PCDHGA5: variants seen among roughly 807,000 people sequenced by gnomAD.
PCDHGA5 encodes protocadherin gamma subfamily A, 5.
Under a neutral mutation model 56.7 loss-of-function variants are expected in PCDHGA5, and 36 were observed. That is an observed-to-expected ratio of 0.64 (90% CI 0.49 to 0.84). The LOEUF is 0.84. Among genes scored for constraint, PCDHGA5 ranks in the 40% least tolerant of loss-of-function variants. The probability of loss-of-function intolerance (pLI) is 0.00; values close to 1 mark genes in which losing one functional copy is unlikely to be tolerated. For synonymous variants in PCDHGA5, 563 were observed against 520.2 expected, an observed-to-expected ratio of 1.08 and a Z score of -1.12; for missense variants, 1,305 against 1,201.5, an observed-to-expected ratio of 1.09 and a Z score of -1.27.
At chr5:141,471,590 T>C (rs2099260583) in intron 1 of PCDHGA5, 1 of 152,120 alleles carries the variant, frequency 6.6e-6, no homozygotes. Flanking sequence ...AAGTAATTGA[T>C]AGTTTCAAAA....
chr5:141,433,812 G>A (rs535623556), intron 1 of PCDHGA5, among the ~76,000 whole-genome samples: 46 of 150,530 alleles, frequency 3.1e-4, no homozygotes, highest in African/African-American at 1.1e-3. Context: ...ACTCCAGCCT[G>A]GGCAACAAGA....
chr5:141,380,135 A>G lies in PCDHGA5; in HGVS notation c.2421+13384A>G, dbSNP rs142315554. 7.2e-4 allele frequency among the ~76,000 whole-genome samples: 110 copies of G among 151,952 alleles called. 5 individuals carry two copies. The East Asian group carries it at 0.018, about 25-fold the overall frequency. On this transcript the variant is annotated intron_variant, in intron 1 of 3. Transcript: ENST00000518069. ...GGCTGGTCTCAAACTCCTGACCTTA[A>G]GTGATCCACCCGCCTCAGCCTCTCA...
intron 1 of PCDHGA5, chr5:141,416,902 C>T (rs1364019748): frequency 1.3e-5 from 2 of 152,020 alleles, no homozygotes; most frequent in Non-Finnish European, 2.9e-5. Flanking sequence ...GGAAGGAAAG[C>T]ACACTCTTTA....
chr5:141,389,248 A>C, intron 1 of PCDHGA5: 1 of 1,614,036 alleles, frequency 6.2e-7, no homozygotes, highest in South Asian at 1.1e-5. Context: ...CAGTCTTCCT[A>C]TATAGTCCAC....
intron 1 of PCDHGA5, among the ~76,000 whole-genome samples, chr5:141,461,804 C>A (rs559757409): frequency 1.4e-3 from 212 of 152,036 alleles, no homozygotes; most frequent in African/African-American, 5.0e-3. Context: ...CAGGTGCCCA[C>A]CACCACACCC....
chr5:141,501,664 TATAG>T (rs1161034391), intron 2 of PCDHGA5, among the ~76,000 whole-genome samples: 1 of 152,064 alleles, frequency 6.6e-6, no homozygotes, highest in East Asian at 1.9e-4. Flanking sequence ...TGTTGGAAAA[TATAG>T]ATAATCACAA....
intron 1 of PCDHGA5, chr5:141,394,255 G>A (rs1321065161): frequency 6.2e-7 from 1 of 1,613,934 alleles, no homozygotes; most frequent in South Asian, 1.1e-5. Flanking sequence ...GACCCCGACA[G>A]CCAGGAGAAT....
intron 1 of PCDHGA5, chr5:141,428,105 G>A: frequency 1.9e-6 from 3 of 1,608,184 alleles, no homozygotes; most frequent in Admixed American, 1.7e-5. Flanking sequence ...ACCACGTGCT[G>A]CAGGCCATCG....
chr5:141,428,131 G>T, intron 1 of PCDHGA5: 1 of 1,602,720 alleles, frequency 6.2e-7, no homozygotes, highest in Non-Finnish European at 8.5e-7. Flanking sequence ...GGGCTTTTCA[G>T]CCTGGGGCTG....
chr5:141,364,769 G>A lies in PCDHGA5; in HGVS notation c.439G>A (p.Ala147Thr). 2.5e-6 allele frequency: 4 copies of A among 1,614,012 alleles called. No individual in the cohort carries two copies. Among genetic ancestry groups the A allele is most frequent in the Non-Finnish European group, 3.4e-6 (4 of 1,179,896 alleles). The part of the protein sequence containing the change: ...ELKVKVNENA[A>T]AGTRLVLPFA... ...AAAAGTAAAAGTTAATGAAAATGCG[G>A]CTGCAGGGACACGGTTAGTGCTTCC... The change falls in exon 1 of 4, where the codon GCT (alanine) becomes ACT (threonine). Residue 147 changes from alanine to threonine, a missense_variant. Ala to Thr is a moderately conservative substitution (Grantham distance 58). Coordinates refer to ENST00000518069, the MANE Select transcript of PCDHGA5 (RefSeq NM_018918.3).
intron 1 of PCDHGA5, chr5:141,405,458 T>C (rs2094670240): frequency 2.4e-6 from 3 of 1,231,152 alleles, no homozygotes; most frequent in Non-Finnish European, 2.3e-6. Flanking sequence ...CTTACTCTGT[T>C]ACCCAGGCTG....
At chr5:141,389,528 G>T (rs200792478) in intron 1 of PCDHGA5, 2 of 1,613,210 alleles carry the variant, frequency 1.2e-6, no homozygotes, top group Non-Finnish European at 1.7e-6. Flanking sequence ...GCCTGCGCGT[G>T]TTAGTGGACG....
Position 141,477,771 on chromosome 5 carries a change from G to A in PCDHGA5, c.2422-17036G>A. 1 of 1,613,992 alleles carries A rather than the reference G, an allele frequency of 6.2e-7. No homozygotes were observed. The highest frequency in any genetic ancestry group is 1.3e-5 in the African/African-American group (1 of 75,054). ...ACCCCGGTCCTAGCCACCAACATCA[G>A]CGTGAACATATTTGTCACTGATCGC... On this transcript the variant is annotated intron_variant, in intron 1 of 3. Transcript: ENST00000518069. This position sits in a 1 kb window ranked among gnomAD's most constrained non-coding sequence, Gnocchi z 4.9.
intron 1 of PCDHGA5, chr5:141,394,586 G>T: frequency 3.1e-6 from 5 of 1,613,888 alleles, no homozygotes; most frequent in Non-Finnish European, 4.2e-6. Context: ...TGACCAAGGT[G>T]GTGGCGGTGG....
chr5:141,457,680 G>A lies in PCDHGA5; in HGVS notation c.2422-37127G>A, dbSNP rs866876250. 2.6e-5 allele frequency among the ~76,000 whole-genome samples: 4 copies of A among 152,290 alleles called. No individual in the cohort carries two copies. The South Asian group carries it at 8.3e-4, about 32-fold the overall frequency. On this transcript the variant is annotated intron_variant, in intron 1 of 3. Coordinates refer to ENST00000518069, the MANE Select transcript of PCDHGA5 (RefSeq NM_018918.3). The stretch of plus-strand genomic sequence containing the variant: ...AGCAAGAATGGTTATTTCTACATAG[G>A]ACTTTTGGATTGGCTTTGATGAAAC...
intron 1 of PCDHGA5, among the ~76,000 whole-genome samples, chr5:141,459,759 G>A (rs1164466104): frequency 7.2e-5 from 11 of 152,206 alleles, no homozygotes; most frequent in Non-Finnish European, 2.9e-5. Context: ...TCTAGTGGGT[G>A]TGTGATACTA....
At chr5:141,456,220 T>C (rs965297694) in intron 1 of PCDHGA5, among the ~76,000 whole-genome samples, 1 of 152,098 alleles carries the variant, frequency 6.6e-6, no homozygotes, top group Admixed American at 6.6e-5. Context: ...TGTGGCGATA[T>C]CAAACTAACT....
intron 1 of PCDHGA5, chr5:141,423,111 T>C (rs1394665462): frequency 3.1e-6 from 5 of 1,613,718 alleles, no homozygotes; most frequent in South Asian, 1.1e-5. Flanking sequence ...GCGAGGTGCG[T>C]ACAGCGCGGG....
intron 1 of PCDHGA5, among the ~76,000 whole-genome samples, chr5:141,472,967 C>G (rs1040253926): frequency 1.7e-5 from 1 of 58,336 alleles, no homozygotes; most frequent in South Asian, 5.1e-4. Flanking sequence ...GCCTGGGGAA[C>G]AAGAGTGAAA....
Sources: gnomAD v4.1 joint callset for allele counts (sites outside exome capture counted in the v4.1 genomes callset) on GRCh38, gnomAD v4.1.1 for gene constraint, Gnocchi (gnomAD v3.1) non-coding constraint, MANE v1.5 for transcripts, NCBI Gene and HGNC (gene_info 2026-07-23, HGNC 2026-07-21) for gene names.